TRMT11: variants seen among roughly 807,000 people sequenced by gnomAD.
TRMT11 encodes the protein tRNA (guanine(10)-N(2))-methyltransferase TRMT11.
A neutral mutation model predicts 62.8 loss-of-function variants in TRMT11; 53 were observed. The ratio of observed to expected loss-of-function variants is 0.84; its 90% CI spans 0.68 to 1.06. The LOEUF (loss-of-function observed/expected upper bound fraction) is 1.06. TRMT11 is among the 50% of genes least tolerant of loss of function. The pLI, the probability that TRMT11 is intolerant of heterozygous loss-of-function variation, is 0.00. For synonymous variants in TRMT11, 188 were observed against 190.3 expected, an observed-to-expected ratio of 0.99 and a Z score of 0.10; for missense variants, 556 against 553.4, an observed-to-expected ratio of 1.00 and a Z score of -0.05.
intron 1 of TRMT11, among the ~76,000 whole-genome samples, chr6:126,181,882 T>C (rs1167243242): frequency 6.6e-6 from 1 of 152,212 alleles, no homozygotes; most frequent in Non-Finnish European, 1.5e-5. Flanking sequence ...TTTTAATGGC[T>C]TTTTGTTAAC....
At chr6:126,120,393 T>C (rs981077537) in intron 21 of TRMT11, among the ~76,000 whole-genome samples, 1 of 152,184 alleles carries the variant, frequency 6.6e-6, no homozygotes, top group Non-Finnish European at 1.5e-5. Context: ...TTCCTTTTCA[T>C]ATCTTCTAAA....
intron 12 of TRMT11, among the ~76,000 whole-genome samples, chr6:126,035,885 A>G (rs1017091858): frequency 2.6e-5 from 4 of 152,070 alleles, no homozygotes; most frequent in African/African-American, 4.8e-5. Context: ...CTATTTTATT[A>G]ATCCCTTCCT....
At chr6:126,143,417 T>C (rs578095310) in intron 21 of TRMT11, among the ~76,000 whole-genome samples, 1 of 152,252 alleles carries the variant, frequency 6.6e-6, no homozygotes, top group African/African-American at 2.4e-5. Flanking sequence ...ATAAAATTAA[T>C]ATTGTTAGAA....
intron 17 of TRMT11, among the ~76,000 whole-genome samples, chr6:126,111,965 T>C (rs1777537519): frequency 6.6e-6 from 1 of 151,982 alleles, no homozygotes; most frequent in African/African-American, 2.4e-5. Flanking sequence ...AGGTAAGTTA[T>C]TACTGAATGA....
chr6:126,093,177 C>T (rs1355513159), intron 17 of TRMT11, among the ~76,000 whole-genome samples: 5 of 151,954 alleles, frequency 3.3e-5, no homozygotes, highest in Non-Finnish European at 5.9e-5. Context: ...ATAAGTTATC[C>T]TCACATTTGG....
At position 126,154,592 on chromosome 6, in the gene TRMT11, T is replaced by G. The variant is rs538333518; in HGVS notation, c.*1824-20233T>G. On this transcript the variant is annotated intron_variant and NMD_transcript_variant, in intron 21 of 22. Coordinates refer to the TRMT11 transcript ENST00000648977. ...CCAGTAGCAATTTGATCCAGTTGAT[T>G]TTTCTTAGCCAAAATTGAATATTTT... Among the ~76,000 whole-genome samples the G allele has an allele frequency of 4.6e-5, 7 of 152,292 alleles. No homozygotes were observed. The East Asian group carries it at 1.3e-3, about 29-fold the overall frequency.
intron 11 of TRMT11, among the ~76,000 whole-genome samples, chr6:126,015,123 G>T (rs1454550149): frequency 6.6e-6 from 1 of 151,424 alleles, no homozygotes; most frequent in African/African-American, 2.4e-5. Flanking sequence ...CAAACTTACA[G>T]AAGTTTCAAA....
At chr6:126,002,785 G>A (rs931382993) in intron 7 of TRMT11, among the ~76,000 whole-genome samples, 2 of 151,976 alleles carry the variant, frequency 1.3e-5, no homozygotes, top group Non-Finnish European at 2.9e-5. Flanking sequence ...ACCTATCCTA[G>A]GTGACTAACT....
chr6:126,258,051 C>T, the TRMT11 span: 1 of 1,260,286 alleles, frequency 7.9e-7, no homozygotes, highest in East Asian at 2.3e-5. Context: ...GGCATCCTCA[C>T]TCTCCATGTC....
At chr6:126,092,026 G>T (rs1583872471) in intron 17 of TRMT11, among the ~76,000 whole-genome samples, 1 of 152,118 alleles carries the variant, frequency 6.6e-6, no homozygotes, top group East Asian at 1.9e-4. Flanking sequence ...CATTTAAGTT[G>T]CATGTAATCA....
At position 126,012,818 on chromosome 6, in the gene TRMT11, G is replaced by A. The variant is rs1794417799; in HGVS notation, c.973G>A (p.Glu325Lys). 1 of 1,613,812 alleles carries A rather than the reference G, an allele frequency of 6.2e-7. No individual in the cohort carries two copies. Among genetic ancestry groups the A allele is most frequent in the Non-Finnish European group, 8.5e-7 (1 of 1,179,752 alleles). Residue 325 changes from glutamate to lysine, a missense_variant, in exon 10 of 13, where the codon GAG (glutamate) becomes AAG (lysine). By Grantham distance (56) the Glu-to-Lys change is moderately conservative (BLOSUM62 1). Coordinates refer to ENST00000334379, the MANE Select transcript of TRMT11 (RefSeq NM_001031712.3). ...TACAAGAAGAACAGGTTCACAGAAG[G>A]AGATACCAAAGGGGATAGAAAAATG... ...ESTRRTGSQKEIPKGIEKWEK... is the reference protein window; with the variant it reads ...ESTRRTGSQKKIPKGIEKWEK...
intron 17 of TRMT11, among the ~76,000 whole-genome samples, chr6:126,071,140 C>T (rs912652134): frequency 9.2e-5 from 14 of 152,126 alleles, no homozygotes; most frequent in Non-Finnish European, 1.8e-4. Context: ...TCCTCCCACA[C>T]GTGAGCCTTT....
At chr6:126,206,993 GAA>G (rs1380826387), downstream of TRMT11, among the ~76,000 whole-genome samples, 1 of 152,274 alleles carries the variant, frequency 6.6e-6, no homozygotes, top group Admixed American at 6.5e-5. Context: ...CCACATAATT[GAA>G]AGTTAACTCT....
intron 17 of TRMT11, among the ~76,000 whole-genome samples, chr6:126,082,063 C>T (rs888242227): frequency 1.3e-5 from 2 of 152,068 alleles, no homozygotes; most frequent in African/African-American, 4.8e-5. Context: ...ATGAATTCAG[C>T]GTTGTCTGAT....
downstream of TRMT11, among the ~76,000 whole-genome samples, chr6:126,040,709 C>G (rs141187919): frequency 6.4e-4 from 97 of 152,142 alleles, no homozygotes; most frequent in African/African-American, 2.2e-3. Flanking sequence ...TCTAGGTGGT[C>G]TGTGGACTGG....
intron 21 of TRMT11, among the ~76,000 whole-genome samples, chr6:126,116,533 A>G (rs1777589328): frequency 6.6e-6 from 1 of 152,100 alleles, no homozygotes; most frequent in Non-Finnish European, 1.5e-5. Context: ...GTCCTTAATA[A>G]TAGGGTAGTG....
intron 7 of TRMT11, among the ~76,000 whole-genome samples, chr6:126,001,769 C>G (rs1792531939): frequency 6.6e-6 from 1 of 151,960 alleles, no homozygotes; most frequent in South Asian, 2.1e-4. Context: ...TTGATGGTTT[C>G]AAAGGGATGA....
At chr6:126,196,505 T>C (rs1202954040) in intron 1 of TRMT11, among the ~76,000 whole-genome samples, 7 of 152,142 alleles carry the variant, frequency 4.6e-5, no homozygotes, top group South Asian at 2.1e-4. Context: ...TTTTAATAAT[T>C]TACAACTTTT....
At chr6:126,244,411 T>C in the TRMT11 span, among the ~76,000 whole-genome samples, 1 of 152,230 alleles carries the variant, frequency 6.6e-6, no homozygotes. Flanking sequence ...CGCCTTTCAC[T>C]TTTACCTTTC....
Sources: allele counts gnomAD v4.1 joint callset (sites outside exome capture counted in the v4.1 genomes callset), GRCh38; gene constraint gnomAD v4.1.1; transcripts MANE v1.5; gene names NCBI Gene and HGNC (gene_info 2026-07-23, HGNC 2026-07-21).